NAALADL2: variants seen among roughly 807,000 people sequenced by gnomAD.
NAALADL2 encodes the protein N-acetylated alpha-linked acidic dipeptidase like 2, also known as inactive N-acetylated-alpha-linked acidic dipeptidase-like protein 2.
NAALADL2 carries 76 observed loss-of-function variants against 87.2 expected under a neutral mutation model. That is an observed-to-expected ratio of 0.87 (90% CI 0.72 to 1.05). The LOEUF is 1.05. Among genes scored for constraint, NAALADL2 ranks in the 50% least tolerant of loss-of-function variants. The pLI is 0.00. For synonymous variants in NAALADL2, 354 were observed against 331.0 expected, an observed-to-expected ratio of 1.07 and a Z score of -0.75; for missense variants, 1,089 against 945.8, an observed-to-expected ratio of 1.15 and a Z score of -1.99.
intron 9 of NAALADL2, among the ~76,000 whole-genome samples, chr3:175,531,544 T>C (rs1417232814): frequency 6.6e-6 from 1 of 152,236 alleles, no homozygotes; most frequent in Non-Finnish European, 1.5e-5. Flanking sequence ...CAAAAACTGA[T>C]TAAGGTCTCT....
chr3:175,364,621 G>T (rs2148920502), intron 5 of NAALADL2, among the ~76,000 whole-genome samples: 1 of 147,676 alleles, frequency 6.8e-6, no homozygotes, highest in African/African-American at 2.5e-5. Context: ...ACCCAAGCTT[G>T]ATGTTCCCAA....
intron 2 of NAALADL2, among the ~76,000 whole-genome samples, chr3:174,714,732 G>C (rs977141218): frequency 6.6e-6 from 1 of 152,176 alleles, no homozygotes. Context: ...ATACAATCAT[G>C]TCATCTGCAA....
chr3:175,093,416 T>TATATATATATATATATATA (rs1489640629), intron 1 of NAALADL2, among the ~76,000 whole-genome samples: 3 of 139,508 alleles, frequency 2.2e-5, no homozygotes, highest in East Asian at 2.1e-4. Flanking sequence ...TTTTATTTTT[T>TATATATATATATATATATA]TATATATATA....
At chr3:174,940,075 C>G (rs1738344757) in intron 1 of NAALADL2, among the ~76,000 whole-genome samples, 1 of 152,032 alleles carries the variant, frequency 6.6e-6, no homozygotes, top group African/African-American at 2.4e-5. Flanking sequence ...GACATCCTGT[C>G]TTGTACCAGT....
At chr3:175,405,646 C>G (rs907656329) in intron 5 of NAALADL2, among the ~76,000 whole-genome samples, 9 of 152,076 alleles carry the variant, frequency 5.9e-5, no homozygotes, top group African/African-American at 2.2e-4. Flanking sequence ...ATCCTGGTGA[C>G]TTAATAATTT....
At chr3:174,561,194 A>G (rs938964874) in intron 2 of NAALADL2, among the ~76,000 whole-genome samples, 1 of 143,454 alleles carries the variant, frequency 7.0e-6, no homozygotes, top group African/African-American at 2.7e-5. Flanking sequence ...ACTGACTAAT[A>G]GGATTCCTTT....
chr3:174,991,810 G>A (rs879138829), intron 1 of NAALADL2, among the ~76,000 whole-genome samples: 4 of 151,954 alleles, frequency 2.6e-5, no homozygotes, highest in Admixed American at 1.3e-4. Context: ...AGTTGCATGT[G>A]TTAACATTAT....
intron 1 of NAALADL2, among the ~76,000 whole-genome samples, chr3:174,911,927 C>T (rs80122497): frequency 0.014 from 2,099 of 152,124 alleles, 57 homozygotes; most frequent in African/African-American, 0.047. Context: ...TCCATTCTCC[C>T]GCAGACAGAC....
rs547655173 is a variant in NAALADL2 at position 174,812,815 on chromosome 3, T to G, written c.-9+75069T>G. Among the ~76,000 whole-genome samples the G allele has an allele frequency of 4.5e-4, 68 of 151,964 alleles. 2 individuals carry two copies. The highest frequency in any genetic ancestry group is 4.2e-3 in the Admixed American group (64 of 15,224). ...GAGTAAATAAAGGCAATTAAAAATT[T>G]TAAAAATAGAAATAGGCTTATAGAA... On this transcript the variant is annotated intron_variant, in intron 3 of 3. Transcript: ENST00000434257.
At chr3:174,508,513 C>G (rs1719372585) in intron 1 of NAALADL2, among the ~76,000 whole-genome samples, 1 of 152,068 alleles carries the variant, frequency 6.6e-6, no homozygotes, top group Non-Finnish European at 1.5e-5. Flanking sequence ...TACAAAAAAG[C>G]CTGCTGAAAT....
intron 1 of NAALADL2, chr3:174,864,201 AACAAAAT>A: frequency 2.8e-6 from 1 of 360,590 alleles, no homozygotes. Flanking sequence ...AGATTAGGAA[AACAAAAT>A]CTGAAGTAAA....
At chr3:175,087,646 C>T (rs1222284663) in intron 1 of NAALADL2, among the ~76,000 whole-genome samples, 2 of 152,118 alleles carry the variant, frequency 1.3e-5, no homozygotes, top group Non-Finnish European at 2.9e-5. Context: ...GCTGTGTCCA[C>T]TCAGGGTTAA....
At chr3:175,277,072 A>G (rs898736891) in intron 4 of NAALADL2, among the ~76,000 whole-genome samples, 1 of 152,154 alleles carries the variant, frequency 6.6e-6, no homozygotes, top group Non-Finnish European at 1.5e-5. Flanking sequence ...TGACGCCAAT[A>G]TATTTTAATA....
chr3:175,730,395 G>GATATATATATATAT (rs5854656), intron 11 of NAALADL2, among the ~76,000 whole-genome samples: 3 of 55,744 alleles, frequency 5.4e-5, no homozygotes, highest in Admixed American at 2.3e-4. Flanking sequence ...ACTTAATACA[G>GATATATATATATAT]ATATATATAT....
chr3:175,207,245 C>A (rs1741078369), intron 2 of NAALADL2, among the ~76,000 whole-genome samples: 1 of 151,682 alleles, frequency 6.6e-6, no homozygotes, highest in Non-Finnish European at 1.5e-5. Flanking sequence ...GCAATGTTTT[C>A]AGAAATTATT....
chr3:174,641,230 G>C (rs571232874), intron 2 of NAALADL2, among the ~76,000 whole-genome samples: 2 of 152,260 alleles, frequency 1.3e-5, no homozygotes, highest in South Asian at 4.2e-4. Context: ...ACGTGCGCTC[G>C]GGGGAGGACC....
chr3:175,108,233 A>G (rs967374206), intron 2 of NAALADL2, among the ~76,000 whole-genome samples: 4 of 151,946 alleles, frequency 2.6e-5, no homozygotes, highest in African/African-American at 9.7e-5. Flanking sequence ...ATCTAATACA[A>G]GGCAAGCTAA....
chr3:175,795,490 A>T (rs953607635), intron 13 of NAALADL2, among the ~76,000 whole-genome samples: 2 of 150,732 alleles, frequency 1.3e-5, no homozygotes, highest in African/African-American at 4.9e-5. Context: ...TGGCTAATAC[A>T]GTGAAACCCC....
intron 4 of NAALADL2, among the ~76,000 whole-genome samples, chr3:175,310,241 A>G (rs1228572106): frequency 6.6e-6 from 1 of 152,156 alleles, no homozygotes; most frequent in Non-Finnish European, 1.5e-5. Flanking sequence ...AAAATAAATG[A>G]CTTTATTGTT....
Sources: allele counts gnomAD v4.1 joint callset (sites outside exome capture counted in the v4.1 genomes callset), GRCh38; gene constraint gnomAD v4.1.1; transcripts MANE v1.5; gene names NCBI Gene and HGNC (gene_info 2026-07-23, HGNC 2026-07-21).